PDE10A: variants seen among roughly 807,000 people sequenced by gnomAD.
PDE10A encodes cAMP and cAMP-inhibited cGMP 3',5'-cyclic phosphodiesterase 10A.
Under a neutral mutation model 97.7 loss-of-function variants are expected in PDE10A, and 39 were observed. The observed-to-expected ratio is 0.40, with a 90% CI of 0.31 to 0.52. The LOEUF (loss-of-function observed/expected upper bound fraction) is 0.52, where lower values mean the gene tolerates loss of function less well. PDE10A is among the 20% of genes least tolerant of loss of function. PDE10A has a pLI of 0.56. For missense variants in PDE10A, 731 were observed against 1,047.8 expected, an observed-to-expected ratio of 0.70 and a Z score of 4.17; for synonymous variants, 371 against 376.8, an observed-to-expected ratio of 0.98 and a Z score of 0.18.
intron 1 of PDE10A, among the ~76,000 whole-genome samples, chr6:165,654,922 TCC>T (rs1213505228): frequency 6.6e-6 from 1 of 152,194 alleles, no homozygotes; most frequent in African/African-American, 2.4e-5. Flanking sequence ...TCCAGGGTGC[TCC>T]ATGGCTCTGC....
At chr6:165,946,235 G>A (rs1783761520) in intron 1 of PDE10A, among the ~76,000 whole-genome samples, 1 of 152,226 alleles carries the variant, frequency 6.6e-6, no homozygotes. Flanking sequence ...AGTGGCTCAT[G>A]CCTGTAATCC....
chr6:165,578,400 A>C (rs1392087820), intron 1 of PDE10A, among the ~76,000 whole-genome samples: 1 of 152,198 alleles, frequency 6.6e-6, no homozygotes, highest in African/African-American at 2.4e-5. Context: ...AAATGCTACA[A>C]TGCAATGAAA....
chr6:165,435,122 C>T (rs1015564484), intron 6 of PDE10A, 115 bp downstream of exon 6: 3 of 1,014,200 alleles, frequency 3.0e-6, no homozygotes, highest in Admixed American at 2.3e-5. Flanking sequence ...CTGTAACTAG[C>T]TTTAATGCTT....
chr6:165,861,986 G>A (rs2128476888), intron 1 of PDE10A, among the ~76,000 whole-genome samples: 1 of 152,304 alleles, frequency 6.6e-6, no homozygotes, highest in African/African-American at 2.4e-5. Context: ...TCCATGTGGT[G>A]TGACCCACAT....
chr6:165,695,895 G>A (rs1462678356), intron 1 of PDE10A, among the ~76,000 whole-genome samples: 2 of 152,198 alleles, frequency 1.3e-5, no homozygotes, highest in Admixed American at 1.3e-4. Context: ...TTTGATGTTT[G>A]TAATGCAATT....
intron 1 of PDE10A, among the ~76,000 whole-genome samples, chr6:165,582,570 T>C (rs562874335): frequency 3.5e-4 from 53 of 151,312 alleles, no homozygotes; most frequent in African/African-American, 1.2e-3. Context: ...TGGAAGACTG[T>C]TAAGAAAAAA....
intron 1 of PDE10A, among the ~76,000 whole-genome samples, chr6:165,847,612 C>G (rs1391640685): frequency 2.0e-5 from 3 of 152,258 alleles, no homozygotes; most frequent in Non-Finnish European, 4.4e-5. Flanking sequence ...TGCTAATGAG[C>G]TGAATTCTGC....
chr6:165,951,507 C>A (rs187142185), intron 1 of PDE10A, among the ~76,000 whole-genome samples: 1 of 152,172 alleles, frequency 6.6e-6, no homozygotes, highest in East Asian at 1.9e-4. Flanking sequence ...GTCAATTGCC[C>A]CTCCCACTGG....
intron 2 of PDE10A, among the ~76,000 whole-genome samples, chr6:165,515,865 G>A (rs1003955550): frequency 6.6e-6 from 1 of 151,968 alleles, no homozygotes; most frequent in South Asian, 2.1e-4. Context: ...TTAAAAGGGG[G>A]AGCTTAGTAA....
At chr6:165,736,586 G>C (rs1792580822) in intron 1 of PDE10A, among the ~76,000 whole-genome samples, 2 of 151,904 alleles carry the variant, frequency 1.3e-5, no homozygotes, top group African/African-American at 4.8e-5. Flanking sequence ...GAAATCAAAA[G>C]GAAAATTTTA....
chr6:165,809,830 A>C lies in PDE10A; in HGVS notation c.-615+177699T>G, dbSNP rs531627381. Among the ~76,000 whole-genome samples the C allele has an allele frequency of 2.6e-5, 4 of 152,332 alleles. No homozygotes were observed. In the South Asian group the frequency reaches 8.3e-4, roughly 32 times the overall value. On this transcript the variant is annotated intron_variant, in intron 1 of 19. Coordinates refer to the PDE10A transcript ENST00000366882. Reference sequence around the variant, plus strand: ...GGAACGGGCGGCATCAGGGATCGCAACACAATGCACAGCCTATGCAGTGAA... The same window carrying C: ...GGAACGGGCGGCATCAGGGATCGCACCACAATGCACAGCCTATGCAGTGAA...
At chr6:165,973,013 C>A (rs1442834699) in intron 1 of PDE10A, among the ~76,000 whole-genome samples, 2 of 152,000 alleles carry the variant, frequency 1.3e-5, no homozygotes, top group African/African-American at 4.8e-5. Context: ...CTCTTCCATT[C>A]CATTCAGCTG....
chr6:165,535,421 T>C (rs1353596728), intron 2 of PDE10A, among the ~76,000 whole-genome samples: 2 of 151,934 alleles, frequency 1.3e-5, no homozygotes, highest in Non-Finnish European at 2.9e-5. Context: ...TTCCACTCTC[T>C]ATGTCCATGT....
chr6:165,362,343 T>A (rs1372316566), intron 18 of PDE10A, among the ~76,000 whole-genome samples: 2 of 151,978 alleles, frequency 1.3e-5, no homozygotes, highest in African/African-American at 4.8e-5. Flanking sequence ...GAAAGACGAT[T>A]CAACTTAATA....
chr6:165,774,712 T>C (rs1350841251), intron 1 of PDE10A: 1 of 149,862 alleles, frequency 6.7e-6, no homozygotes, highest in African/African-American at 2.4e-5. Context: ...CTGAATCAGA[T>C]CTCTGATGCT....
chr6:165,442,843 G>C (rs557198213), intron 5 of PDE10A, among the ~76,000 whole-genome samples: 4 of 152,178 alleles, frequency 2.6e-5, no homozygotes, highest in Non-Finnish European at 5.9e-5. Flanking sequence ...TCTAGGCCAG[G>C]CATGGTGGCT....
At chr6:165,587,978 T>C (rs1053659008) in intron 1 of PDE10A, among the ~76,000 whole-genome samples, 2 of 152,220 alleles carry the variant, frequency 1.3e-5, no homozygotes, top group Admixed American at 6.5e-5. Flanking sequence ...ATTTTGTTTT[T>C]GTTACCACTC....
intron 2 of PDE10A, among the ~76,000 whole-genome samples, chr6:165,539,530 A>G (rs1251435359): frequency 6.6e-6 from 1 of 152,214 alleles, no homozygotes; most frequent in Non-Finnish European, 1.5e-5. Context: ...CTATTTGTAG[A>G]CTGAGAACCC....
intron 1 of PDE10A, among the ~76,000 whole-genome samples, chr6:165,828,419 A>G (rs1370082239): frequency 6.6e-6 from 1 of 152,236 alleles, no homozygotes; most frequent in Non-Finnish European, 1.5e-5. Flanking sequence ...AGTGTAAGTA[A>G]GTTTAAACAA....
Sources: allele counts gnomAD v4.1 joint callset (sites outside exome capture counted in the v4.1 genomes callset), GRCh38; gene constraint gnomAD v4.1.1; transcripts MANE v1.5; gene names NCBI Gene and HGNC (gene_info 2026-07-23, HGNC 2026-07-21).